COL23A1: variants seen among roughly 807,000 people sequenced by gnomAD.
COL23A1 encodes the protein collagen alpha-1(XXIII) chain.
In COL23A1, 97 loss-of-function variants were observed where a neutral mutation model predicts 99.3. The ratio of observed to expected loss-of-function variants is 0.98; its 90% CI spans 0.83 to 1.16. COL23A1 has a LOEUF of 1.16. COL23A1 is among the 50% of genes most tolerant of loss of function. The pLI, the probability that COL23A1 is intolerant of heterozygous loss-of-function variation, is 0.00. For synonymous variants in COL23A1, 320 were observed against 308.2 expected (o/e 1.04, Z -0.40); for missense variants, 762 against 757.4 (o/e 1.01, Z -0.07).
chr5:178,275,105 C>T (rs1192942539), intron 5 of COL23A1, among the ~76,000 whole-genome samples: 2 of 152,230 alleles, frequency 1.3e-5, no homozygotes, highest in East Asian at 3.8e-4. Flanking sequence ...TGCCTCAGTC[C>T]CTTGCTTTGC....
In COL23A1 at chr5:178,338,638, T is replaced by G. The variant is rs116268805; in HGVS notation, c.362-31719A>C. The stretch of plus-strand genomic sequence containing the variant: ...CTGGGTCACCCAGCACCGGGTAAGG[T>G]GTTGCTCCTGGGTCACTGGCCAGCA... On this transcript the variant is annotated intron_variant, in intron 2 of 28. Transcript: ENST00000390654. 6.2e-3 allele frequency among the ~76,000 whole-genome samples: 773 copies of G among 125,104 alleles called. 8 individuals are homozygous for G. Among genetic ancestry groups the G allele is most frequent in the African/African-American group, 0.022 (735 of 33,092 alleles). 82.1% of individuals were successfully genotyped at this position (125,104 alleles called of 152,430 possible). A position where few individuals can be genotyped will look rare whatever the true frequency, so the allele number is the denominator to read the frequency against.
intron 2 of COL23A1, among the ~76,000 whole-genome samples, chr5:178,370,303 G>T (rs1358732319): frequency 6.6e-6 from 1 of 152,202 alleles, no homozygotes; most frequent in Admixed American, 6.5e-5. Flanking sequence ...AAGAGATGTG[G>T]TGTATACACA....
At chr5:178,587,625 A>G (rs1764067235) in intron 1 of COL23A1, among the ~76,000 whole-genome samples, 1 of 152,212 alleles carries the variant, frequency 6.6e-6, no homozygotes, top group Non-Finnish European at 1.5e-5. Flanking sequence ...TCAGAACTGA[A>G]AAACAGCTTC....
At chr5:178,515,556 C>G (rs1333869223) in intron 2 of COL23A1, among the ~76,000 whole-genome samples, 2 of 152,202 alleles carry the variant, frequency 1.3e-5, no homozygotes, top group Non-Finnish European at 2.9e-5. Flanking sequence ...ACCTGCCCAT[C>G]CTGGTGCACT....
rs373898439 is a variant in COL23A1, at chr5:178,566,748, G to C, written c.295-6000C>G. Among the ~76,000 whole-genome samples the C allele has an allele frequency of 9.9e-5, 15 of 152,066 alleles. No homozygotes were observed. In the East Asian group the frequency reaches 1.9e-3, roughly 20 times the overall value. On this transcript the variant is annotated intron_variant, in intron 1 of 28. Transcript: ENST00000390654. ...GGAGAATCACTTGAACCCGGGAGGC[G>C]AAGGTTGCAGTGAGCCAAGATCGTG...
At chr5:178,284,734 G>T (rs751057865) in intron 5 of COL23A1, among the ~76,000 whole-genome samples, 16 of 152,104 alleles carry the variant, frequency 1.1e-4, no homozygotes, top group Admixed American at 2.0e-4. Context: ...TTTTAATGAT[G>T]CAGAAAAGTC....
intron 2 of COL23A1, among the ~76,000 whole-genome samples, chr5:178,528,540 G>T (rs188306217): frequency 6.6e-6 from 1 of 152,180 alleles, no homozygotes; most frequent in African/African-American, 2.4e-5. Flanking sequence ...AAGGCCGGGC[G>T]CAGTGGCTCA....
chr5:178,261,693 G>A, intron 11 of COL23A1, 29 bp downstream of exon 11: 1 of 1,584,850 alleles, frequency 6.3e-7, no homozygotes, highest in East Asian at 2.2e-5. Flanking sequence ...CAGATCTGGG[G>A]AGGGGCATGG....
At chr5:178,574,321 C>T (rs998932188) in intron 1 of COL23A1, among the ~76,000 whole-genome samples, 14 of 152,126 alleles carry the variant, frequency 9.2e-5, no homozygotes, top group African/African-American at 2.4e-4. Context: ...TGGTCATGGG[C>T]GCATATATTT....
chr5:178,265,805 G>C (rs1035205555), intron 8 of COL23A1: 1 of 656,234 alleles, frequency 1.5e-6, no homozygotes, highest in African/African-American at 2.0e-5. Context: ...AAACCTGGAG[G>C]CAAAGCCACT....
At chr5:178,585,646 TGGATGGCGCTGGGGTAACACTCC>T (rs1475394259) in intron 1 of COL23A1, among the ~76,000 whole-genome samples, 19 of 152,370 alleles carry the variant, frequency 1.2e-4, no homozygotes, top group East Asian at 1.9e-4. Context: ...TCCACAGCCC[TGGATGGCGCTGGGGTAACACTCC>T]ACAGCCCTGG....
intron 2 of COL23A1, among the ~76,000 whole-genome samples, chr5:178,358,049 T>G (rs899802611): frequency 2.0e-5 from 3 of 150,974 alleles, no homozygotes; most frequent in African/African-American, 7.3e-5. Flanking sequence ...TGTGTATGTA[T>G]GTCTAATGTA....
intron 2 of COL23A1, among the ~76,000 whole-genome samples, chr5:178,436,371 C>T (rs1031630816): frequency 1.4e-4 from 18 of 124,238 alleles, no homozygotes; most frequent in South Asian, 5.8e-4. Flanking sequence ...GTGGCGAGCA[C>T]GGGGAGAGGG....
intron 2 of COL23A1, among the ~76,000 whole-genome samples, chr5:178,465,310 T>C (rs1756355855): frequency 6.6e-6 from 1 of 152,130 alleles, no homozygotes; most frequent in East Asian, 1.9e-4. Context: ...CAGGCTGTCG[T>C]TAACCCCTAG....
rs1756467096 is a variant in COL23A1, at chr5:178,274,404, G to A, written c.442-4041C>T. Among the ~76,000 whole-genome samples, 3 of 152,246 alleles carry A rather than the reference G, an allele frequency of 2.0e-5. No homozygotes were observed. In the South Asian group the frequency reaches 6.2e-4, roughly 31 times the overall value. ...TGAATGGAGCCAAGGAATGCATGGG[G>A]TGGGGGGCGTGGTCAGGCTGGACAG... On this transcript the variant is annotated intron_variant, in intron 5 of 28. Coordinates refer to ENST00000390654, the MANE Select transcript of COL23A1 (RefSeq NM_173465.4).
chr5:178,455,710 G>A (rs1309814407), intron 2 of COL23A1, among the ~76,000 whole-genome samples: 2 of 152,076 alleles, frequency 1.3e-5, no homozygotes, highest in Admixed American at 1.3e-4. Flanking sequence ...GCCGAGAGCT[G>A]GCACCTATCC....
chr5:178,529,884 T>A (rs1760545023), intron 2 of COL23A1, among the ~76,000 whole-genome samples: 1 of 152,228 alleles, frequency 6.6e-6, no homozygotes, highest in African/African-American at 2.4e-5. Flanking sequence ...CACTGCTGTA[T>A]AATGACTCTC....
Position 178,365,073 on chromosome 5 carries a change from G to A in COL23A1, c.362-58154C>T, listed in dbSNP as rs1461958732. Among the ~76,000 whole-genome samples, 1 of 152,098 alleles carries A rather than the reference G, an allele frequency of 6.6e-6. No individual in the cohort carries two copies. Among genetic ancestry groups the A allele is most frequent in the Non-Finnish European group, 1.5e-5 (1 of 68,018 alleles). ...ATACAGCAGTAAAGAATAAACCGTA[G>A]GGGCAATAACAATCTCTTTGTAATT... On this transcript the variant is annotated intron_variant, in intron 2 of 28. Coordinates refer to ENST00000390654, the MANE Select transcript of COL23A1 (RefSeq NM_173465.4). This position sits in a 1 kb window ranked among gnomAD's most constrained non-coding sequence, Gnocchi z 5.2.
Position 178,339,597 on chromosome 5 carries a change from T to C in COL23A1, c.362-32678A>G, listed in dbSNP as rs1760539301. ...ACTGACCTCACAGCCAGCTAGCATG[T>C]GTGGGGGAAAATAAGAGAAAAATGA... On this transcript the variant is annotated intron_variant, in intron 2 of 28. Coordinates refer to ENST00000390654, the MANE Select transcript of COL23A1 (RefSeq NM_173465.4). Among the ~76,000 whole-genome samples the C allele has an allele frequency of 2.0e-5, 3 of 152,120 alleles. 1 individual carries two copies. Among genetic ancestry groups the C allele is most frequent in the African/African-American group, 7.2e-5 (3 of 41,410 alleles).
Sources: allele counts gnomAD v4.1 joint callset (sites outside exome capture counted in the v4.1 genomes callset), GRCh38; gene constraint gnomAD v4.1.1; non-coding constraint Gnocchi (gnomAD v3.1); transcripts MANE v1.5; gene names NCBI Gene and HGNC (gene_info 2026-07-23, HGNC 2026-07-21).